RABGAP1L: variants seen among roughly 807,000 people sequenced by gnomAD.
RABGAP1L encodes the protein rab GTPase-activating protein 1-like.
Under a neutral mutation model 137.7 loss-of-function variants are expected in RABGAP1L, and 63 were observed. That is an observed-to-expected ratio of 0.46 (90% CI 0.37 to 0.56). The LOEUF is 0.56. RABGAP1L is among the 20% of genes least tolerant of loss of function. The probability of loss-of-function intolerance (pLI) is 0.00; values close to 1 mark genes in which losing one functional copy is unlikely to be tolerated. For synonymous variants in RABGAP1L, 431 were observed against 433.7 expected (o/e 0.99, Z 0.08); for missense variants, 1,095 against 1,244.0 (o/e 0.88, Z 1.80).
intron 13 of RABGAP1L, among the ~76,000 whole-genome samples, chr1:174,518,022 A>T (rs1281061557): frequency 6.6e-6 from 1 of 152,216 alleles, no homozygotes; most frequent in South Asian, 2.1e-4. Flanking sequence ...ATCAGAATTG[A>T]TATCATTATA....
chr1:174,251,036 G>A (rs1438223937), intron 6 of RABGAP1L, among the ~76,000 whole-genome samples: 3 of 152,204 alleles, frequency 2.0e-5, no homozygotes, highest in African/African-American at 7.2e-5. Flanking sequence ...CCTGACCTCA[G>A]GTGATCTGCC....
chr1:174,675,428 G>C (rs1208182468), intron 14 of RABGAP1L, among the ~76,000 whole-genome samples: 1 of 151,818 alleles, frequency 6.6e-6, no homozygotes, highest in Non-Finnish European at 1.5e-5. Flanking sequence ...TGAGGGCTCT[G>C]TTCTGTTCCA....
At chr1:174,467,597 A>G (rs1380964726) in intron 13 of RABGAP1L, among the ~76,000 whole-genome samples, 8 of 152,164 alleles carry the variant, frequency 5.3e-5, no homozygotes, top group South Asian at 2.1e-4. Context: ...CTACTGTATG[A>G]CAAGTACTGT....
At chr1:174,654,008 G>A (rs1174223140) in intron 14 of RABGAP1L, among the ~76,000 whole-genome samples, 1 of 152,146 alleles carries the variant, frequency 6.6e-6, no homozygotes, top group Non-Finnish European at 1.5e-5. Context: ...GAAGGAGCTG[G>A]GAGAGTCTCG....
intron 3 of RABGAP1L, among the ~76,000 whole-genome samples, chr1:174,230,397 TAAAA>T (rs929886770): frequency 2.0e-5 from 3 of 151,756 alleles, no homozygotes; most frequent in East Asian, 1.9e-4. Flanking sequence ...TAAAGTATAG[TAAAA>T]AAAAGAATAA....
chr1:174,757,711 G>C (rs1404476765), intron 18 of RABGAP1L, among the ~76,000 whole-genome samples: 1 of 151,964 alleles, frequency 6.6e-6, no homozygotes, highest in Non-Finnish European at 1.5e-5. Flanking sequence ...TAGGGAAGCA[G>C]TGGATCATGG....
chr1:174,561,400 G>A (rs1667201727), intron 13 of RABGAP1L, among the ~76,000 whole-genome samples: 1 of 152,126 alleles, frequency 6.6e-6, no homozygotes. Context: ...TCATGGATAG[G>A]AAGAATCAGT....
chr1:174,747,635 T>C (rs576025276), intron 17 of RABGAP1L, among the ~76,000 whole-genome samples: 15 of 152,112 alleles, frequency 9.9e-5, no homozygotes, highest in Non-Finnish European at 2.1e-4. Context: ...TACATAAATT[T>C]TTCTGGTAAC....
At chr1:174,703,198 C>G (rs1679789241) in intron 17 of RABGAP1L, among the ~76,000 whole-genome samples, 2 of 152,046 alleles carry the variant, frequency 1.3e-5, no homozygotes, top group Non-Finnish European at 2.9e-5. Context: ...TAAGTCTGGG[C>G]TTTTAGTGTA....
intron 17 of RABGAP1L, among the ~76,000 whole-genome samples, chr1:174,741,919 G>A (rs140179209): frequency 0.022 from 3,160 of 143,728 alleles, 122 homozygotes; most frequent in African/African-American, 0.079. Flanking sequence ...TGCGCCTATA[G>A]ACCCAGCTAC....
chr1:174,351,352 C>G (rs1429909305), intron 11 of RABGAP1L, among the ~76,000 whole-genome samples: 1 of 152,150 alleles, frequency 6.6e-6, no homozygotes, highest in Non-Finnish European at 1.5e-5. Flanking sequence ...TCTTGTCGGA[C>G]AGGTCTGGTG....
chr1:174,370,999 A>G lies in RABGAP1L; in HGVS notation c.1486A>G (p.Ser496Gly). 1.3e-6 allele frequency: 2 copies of G among 1,489,258 alleles called. No individual in the cohort carries two copies. The highest frequency in any genetic ancestry group is 1.5e-5 in the South Asian group (1 of 66,614). 92.3% of individuals were successfully genotyped at this position (1,489,258 alleles called of 1,614,324 possible). A position where few individuals can be genotyped will look rare whatever the true frequency, so the allele number is the denominator to read the frequency against. Residue 496 changes from serine to glycine, a missense_variant, in exon 12 of 26, where the codon AGT (serine) becomes GGT (glycine). Ser to Gly is a moderately conservative substitution (Grantham distance 56, BLOSUM62 0). This residue lies in a region of RABGAP1L where 315 missense variants were observed against 324.8 expected (regional missense o/e 0.97). Transcript: ENST00000681986. Reference protein sequence around the residue: ...AEEESDNELSSGTGDVSKDCP... With the variant: ...AEEESDNELSGGTGDVSKDCP... ...TGCAGAGAGTGATAATGAACTCTCA[A>G]GTGGAACAGGTGATGTGTCTAAGGA... is the stretch of plus-strand genomic sequence containing the variant.
At chr1:174,599,496 A>G (rs901518739) in intron 13 of RABGAP1L, among the ~76,000 whole-genome samples, 2 of 152,214 alleles carry the variant, frequency 1.3e-5, no homozygotes, top group African/African-American at 4.8e-5. Context: ...ATTGAAGTAC[A>G]TCATTTAGCT....
At chr1:174,249,788 G>A (rs754795387) in intron 5 of RABGAP1L, among the ~76,000 whole-genome samples, 3 of 151,906 alleles carry the variant, frequency 2.0e-5, no homozygotes, top group Non-Finnish European at 4.4e-5. Context: ...GATTACAGGT[G>A]TGCACCACCA....
At chr1:174,453,556 G>A (rs1655682806) in intron 13 of RABGAP1L, among the ~76,000 whole-genome samples, 1 of 152,106 alleles carries the variant, frequency 6.6e-6, no homozygotes, top group African/African-American at 2.4e-5. Context: ...TGTAGGTAGG[G>A]CCATTTTGGT....
At chr1:174,612,635 C>T (rs1319594952) in intron 13 of RABGAP1L, among the ~76,000 whole-genome samples, 1 of 152,084 alleles carries the variant, frequency 6.6e-6, no homozygotes, top group Non-Finnish European at 1.5e-5. Flanking sequence ...GGAATGGTAC[C>T]AGTTACTCCT....
chr1:174,661,581 A>G (rs1572718133), intron 14 of RABGAP1L, among the ~76,000 whole-genome samples: 1 of 152,350 alleles, frequency 6.6e-6, no homozygotes, highest in Admixed American at 6.5e-5. Context: ...ATTCATTATT[A>G]TAATCAATAG....
At chr1:174,578,594 C>A (rs1668531683) in intron 13 of RABGAP1L, among the ~76,000 whole-genome samples, 2 of 151,944 alleles carry the variant, frequency 1.3e-5, no homozygotes, top group African/African-American at 4.8e-5. Flanking sequence ...CCACACAGAA[C>A]ATTACAAGTA....
Position 174,786,783 on chromosome 1 carries a change from T to G in RABGAP1L, c.2212-25049T>G, listed in dbSNP as rs149405391. 5.3e-3 allele frequency among the ~76,000 whole-genome samples: 802 copies of G among 152,318 alleles called. 8 individuals are homozygous for G. The highest frequency in any genetic ancestry group is 0.017 in the African/African-American group (718 of 41,570). ...TTAGACATTAAATAAAAGAGACATA[T>G]ATGCTTATTATCCCCTAGTTTAATA... On this transcript the variant is annotated intron_variant, in intron 18 of 25. Coordinates refer to ENST00000681986, the MANE Select transcript of RABGAP1L (RefSeq NM_001366446.1).
Sources: gnomAD v4.1 joint callset for allele counts (sites outside exome capture counted in the v4.1 genomes callset) on GRCh38, gnomAD v4.1.1 for gene constraint, gnomAD v4.1.1 regional missense constraint, MANE v1.5 for transcripts, NCBI Gene and HGNC (gene_info 2026-07-23, HGNC 2026-07-21) for gene names.